The following MYO5B variants were observed in gnomAD, a reference collection of about 807,000 sequenced individuals.
The protein encoded by MYO5B is unconventional myosin-Vb.
Under a neutral mutation model 229.3 loss-of-function variants are expected in MYO5B, and 143 were observed. The observed-to-expected ratio is 0.62, with a 90% CI of 0.54 to 0.72. MYO5B has a LOEUF of 0.72. Ranked by LOEUF, MYO5B falls within the 30% of genes least tolerant of loss-of-function variation. The pLI is 0.00. For synonymous variants in MYO5B, 918 were observed against 885.2 expected (o/e 1.04, Z -0.66); for missense variants, 2,321 against 2,331.0 (o/e 1.00, Z 0.09).
At chr18:49,873,964 C>A (rs984324550) in intron 26 of MYO5B, among the ~76,000 whole-genome samples, 1 of 152,190 alleles carries the variant, frequency 6.6e-6, no homozygotes, top group Admixed American at 6.5e-5. Context: ...GCAGTTGAGA[C>A]CTGAGCCATC....
chr18:49,979,174 G>C (rs1022224899), intron 9 of MYO5B, among the ~76,000 whole-genome samples: 1 of 152,138 alleles, frequency 6.6e-6, no homozygotes. Context: ...CATCACTGCT[G>C]CCAACTCCAC....
At chr18:50,119,469 G>A (rs755908493) in intron 1 of MYO5B, among the ~76,000 whole-genome samples, 1 of 152,092 alleles carries the variant, frequency 6.6e-6, no homozygotes, top group African/African-American at 2.4e-5. Context: ...GAGTAATCTC[G>A]TGGGCTGTAG....
At chr18:49,874,817 C>T (rs1380735770) in intron 26 of MYO5B, among the ~76,000 whole-genome samples, 1 of 152,162 alleles carries the variant, frequency 6.6e-6, no homozygotes, top group Non-Finnish European at 1.5e-5. Flanking sequence ...AGAAGTGGTC[C>T]TTCTATCTCC....
intron 16 of MYO5B, among the ~76,000 whole-genome samples, chr18:49,935,308 C>T (rs2025237018): frequency 1.3e-5 from 2 of 152,186 alleles, no homozygotes; most frequent in African/African-American, 4.8e-5. Flanking sequence ...AATTCAGTTC[C>T]TCACTCACAC....
intron 8 of MYO5B, among the ~76,000 whole-genome samples, chr18:49,983,469 G>A (rs17801621): frequency 0.17 from 25,729 of 152,080 alleles, 2,198 homozygotes; most frequent in East Asian, 0.22. Flanking sequence ...CTCTGGGCAA[G>A]TTTCTTCATC....
At position 50,184,739 on chromosome 18, in the gene MYO5B, A is replaced by G. The variant is rs115395756; in HGVS notation, c.27+10028T>C. Among the ~76,000 whole-genome samples the G allele has an allele frequency of 4.5e-3, 691 of 152,134 alleles. 7 individuals carry two copies. Among genetic ancestry groups the G allele is most frequent in the African/African-American group, 0.015 (640 of 41,506 alleles). On this transcript the variant is annotated intron_variant, in intron 1 of 39. Transcript: ENST00000285039. ...AATATTCTGGTTTCCATGTTTTCCT[A>G]TCTCAAAATATAGAGTGGACTGGGT...
chr18:50,112,493 C>T (rs371073005), intron 1 of MYO5B, among the ~76,000 whole-genome samples: 4 of 152,278 alleles, frequency 2.6e-5, no homozygotes, highest in East Asian at 3.9e-4. Context: ...CAAAGACGGC[C>T]GCATGGGACC....
At chr18:49,976,983 T>G (rs1006962385) in intron 9 of MYO5B, among the ~76,000 whole-genome samples, 3 of 152,156 alleles carry the variant, frequency 2.0e-5, no homozygotes, top group African/African-American at 7.2e-5. Context: ...CCCTGACATT[T>G]AAGTGGCCTG....
intron 1 of MYO5B, among the ~76,000 whole-genome samples, chr18:50,161,629 C>A (rs142288233): frequency 1.3e-5 from 2 of 152,278 alleles, no homozygotes; most frequent in East Asian, 3.9e-4. Flanking sequence ...ACAGCCACTA[C>A]CTCCGTCTCC....
intron 14 of MYO5B, among the ~76,000 whole-genome samples, chr18:49,945,455 T>G (rs2025361303): frequency 1.1e-5 from 1 of 92,204 alleles, no homozygotes. Flanking sequence ...ATGCAGTCCT[T>G]TTTTTTTTCA....
At chr18:50,040,060 G>T in intron 3 of MYO5B, 83 bp downstream of exon 3, 1 of 1,406,704 alleles carries the variant, frequency 7.1e-7, no homozygotes, top group Non-Finnish European at 1.0e-6. Flanking sequence ...GTGAAATGAG[G>T]ACTCCTAAGC....
At chr18:49,925,609 G>C (rs2025120422) in intron 17 of MYO5B, among the ~76,000 whole-genome samples, 1 of 152,206 alleles carries the variant, frequency 6.6e-6, no homozygotes, top group African/African-American at 2.4e-5. Flanking sequence ...CTGAGAAACA[G>C]TGGATAAGGA....
chr18:49,901,863 A>G (rs1347382563), intron 21 of MYO5B, among the ~76,000 whole-genome samples: 1 of 152,158 alleles, frequency 6.6e-6, no homozygotes, highest in Non-Finnish European at 1.5e-5. Flanking sequence ...CTTCAATTGT[A>G]CAAAAAGGGG....
At chr18:50,046,588 A>C (rs1568084894) in intron 2 of MYO5B, among the ~76,000 whole-genome samples, 2 of 152,220 alleles carry the variant, frequency 1.3e-5, no homozygotes, top group African/African-American at 4.8e-5. Context: ...AACAATGTTA[A>C]GGAAACTCTA....
At chr18:49,916,681 C>T (rs888376109) in intron 17 of MYO5B, among the ~76,000 whole-genome samples, 1 of 152,112 alleles carries the variant, frequency 6.6e-6, no homozygotes, top group Non-Finnish European at 1.5e-5. Context: ...GCACCACCAT[C>T]GCTTCGTGGC....
chr18:50,140,179 T>G (rs1056945748), intron 1 of MYO5B, among the ~76,000 whole-genome samples: 1 of 152,238 alleles, frequency 6.6e-6, no homozygotes, highest in Non-Finnish European at 1.5e-5. Flanking sequence ...AAATCCTGTT[T>G]GGTTCTAGAT....
At chr18:49,967,031 T>C (rs967822663) in intron 10 of MYO5B, among the ~76,000 whole-genome samples, 33 of 152,194 alleles carry the variant, frequency 2.2e-4, no homozygotes, top group Non-Finnish European at 8.8e-5. Context: ...CAAAGAAATT[T>C]ATATGCTAAA....
intron 1 of MYO5B, among the ~76,000 whole-genome samples, chr18:50,080,078 G>A (rs1228823145): frequency 6.6e-6 from 1 of 152,080 alleles, no homozygotes; most frequent in African/African-American, 2.4e-5. Flanking sequence ...TCACATTATT[G>A]TGCAACCAAC....
chr18:49,924,309 G>A (rs1195150565), intron 17 of MYO5B, among the ~76,000 whole-genome samples: 1 of 152,204 alleles, frequency 6.6e-6, no homozygotes, highest in African/African-American at 2.4e-5. Context: ...AGTGCTGGCT[G>A]AGAACTCTAG....
Sources: gnomAD v4.1 joint callset for allele counts (sites outside exome capture counted in the v4.1 genomes callset) on GRCh38, gnomAD v4.1.1 for gene constraint, MANE v1.5 for transcripts, NCBI Gene and HGNC (gene_info 2026-07-23, HGNC 2026-07-21) for gene names.